CCSER1: variants seen among roughly 807,000 people sequenced by gnomAD.
CCSER1 encodes serine-rich coiled-coil domain-containing protein 1.
A neutral mutation model predicts 82.0 loss-of-function variants in CCSER1; 41 were observed. The ratio of observed to expected loss-of-function variants is 0.50; its 90% CI spans 0.39 to 0.65. CCSER1 has a LOEUF of 0.65. CCSER1 is among the 30% of genes least tolerant of loss of function. The pLI, the probability that CCSER1 is intolerant of heterozygous loss-of-function variation, is 0.00. For synonymous variants in CCSER1, 414 were observed against 383.9 expected, an observed-to-expected ratio of 1.08 and a Z score of -0.92; for missense variants, 1,119 against 1,064.2, an observed-to-expected ratio of 1.05 and a Z score of -0.72.
intron 10 of CCSER1, among the ~76,000 whole-genome samples, chr4:91,568,208 A>AG (rs112829815): frequency 0.069 from 10,502 of 152,032 alleles, 396 homozygotes; most frequent in Middle Eastern, 0.099. Flanking sequence ...TTTAGCTGAG[A>AG]GGTTCGCTGT....
chr4:90,658,641 T>G (rs897324776), intron 6 of CCSER1, among the ~76,000 whole-genome samples: 2 of 152,236 alleles, frequency 1.3e-5, no homozygotes, highest in African/African-American at 4.8e-5. Flanking sequence ...CATGACGTTT[T>G]AGGTCTTTGA....
At chr4:90,589,591 T>G (rs540986269) in intron 5 of CCSER1, among the ~76,000 whole-genome samples, 2 of 152,258 alleles carry the variant, frequency 1.3e-5, no homozygotes, top group Admixed American at 1.3e-4. Flanking sequence ...ATTACTATTT[T>G]GTAATATGAC....
At chr4:90,923,182 G>A (rs1450039285) in intron 8 of CCSER1, among the ~76,000 whole-genome samples, 188 bp from the exon 9 acceptor site, 1 of 151,976 alleles carries the variant, frequency 6.6e-6, no homozygotes, top group Admixed American at 6.6e-5. Flanking sequence ...GCTTAAGGTG[G>A]GACAGTTGTG....
intron 10 of CCSER1, among the ~76,000 whole-genome samples, chr4:91,588,996 T>C (rs1464822345): frequency 1.3e-5 from 2 of 151,850 alleles, no homozygotes; most frequent in African/African-American, 4.8e-5. Context: ...ATATGACAGA[T>C]GGAATTCTGA....
intron 4 of CCSER1, among the ~76,000 whole-genome samples, chr4:90,420,176 C>A (rs1171008434): frequency 2.0e-5 from 3 of 151,844 alleles, no homozygotes; most frequent in Admixed American, 1.3e-4. Flanking sequence ...TTTTGCTCGA[C>A]CAATTTACAA....
intron 5 of CCSER1, among the ~76,000 whole-genome samples, chr4:90,509,560 A>G (rs1055115804): frequency 2.0e-5 from 3 of 152,274 alleles, no homozygotes; most frequent in Admixed American, 1.3e-4. Context: ...GCCAAGTACC[A>G]TCTTTAACCT....
chr4:90,693,057 T>C (rs1377847421), intron 6 of CCSER1, among the ~76,000 whole-genome samples: 4 of 151,928 alleles, frequency 2.6e-5, no homozygotes, highest in Non-Finnish European at 4.4e-5. Flanking sequence ...CTCAGTAAAG[T>C]GTCACTTGTG....
intron 10 of CCSER1, among the ~76,000 whole-genome samples, chr4:91,185,375 T>C (rs139768315): frequency 3.0e-3 from 455 of 152,342 alleles, no homozygotes; most frequent in African/African-American, 0.011. Flanking sequence ...TATGTATTTG[T>C]ACACTTTTTA....
chr4:91,384,822 T>C (rs1484062709), intron 10 of CCSER1, among the ~76,000 whole-genome samples: 2 of 152,064 alleles, frequency 1.3e-5, no homozygotes, highest in Non-Finnish European at 2.9e-5. Flanking sequence ...AAATAGGCAG[T>C]AGACTGTTAA....
intron 10 of CCSER1, among the ~76,000 whole-genome samples, chr4:91,121,438 C>G (rs1412596540): frequency 6.6e-6 from 1 of 151,642 alleles, no homozygotes; most frequent in Non-Finnish European, 1.5e-5. Context: ...TAAGAGGAAA[C>G]TGTTCCTATT....
At chr4:90,601,328 A>G (rs1185900380) in intron 5 of CCSER1, among the ~76,000 whole-genome samples, 3 of 151,808 alleles carry the variant, frequency 2.0e-5, no homozygotes, top group Non-Finnish European at 4.4e-5. Context: ...ATATTTAGAT[A>G]TCCTTTATCA....
chr4:91,081,204 T>C (rs767939995), intron 9 of CCSER1, among the ~76,000 whole-genome samples: 15 of 152,152 alleles, frequency 9.9e-5, no homozygotes, highest in Non-Finnish European at 7.4e-5. Flanking sequence ...AAAAAGCTTA[T>C]CCACCACGAT....
chr4:91,116,905 T>C (rs868646854), intron 10 of CCSER1, among the ~76,000 whole-genome samples: 9 of 152,202 alleles, frequency 5.9e-5, no homozygotes, highest in African/African-American at 1.9e-4. Flanking sequence ...GAGAGACTGG[T>C]GATTTTTTAA....
chr4:91,057,774 A>G (rs907423495), intron 9 of CCSER1, among the ~76,000 whole-genome samples: 1 of 152,162 alleles, frequency 6.6e-6, no homozygotes, highest in Non-Finnish European at 1.5e-5. Flanking sequence ...TTATCATTTT[A>G]TGCAATTAGA....
chr4:91,513,551 T>C (rs543465809), intron 10 of CCSER1, among the ~76,000 whole-genome samples: 19 of 152,320 alleles, frequency 1.2e-4, no homozygotes, highest in South Asian at 1.0e-3. Flanking sequence ...CAGCTCTTAT[T>C]TGGACTTCTG....
intron 10 of CCSER1, among the ~76,000 whole-genome samples, chr4:91,528,809 A>G (rs1760890996): frequency 1.3e-5 from 2 of 152,186 alleles, no homozygotes. Flanking sequence ...TAAAAATAAT[A>G]CAATGTTAAT....
chr4:90,489,164 A>G (rs1022007914), intron 5 of CCSER1, among the ~76,000 whole-genome samples: 8 of 152,204 alleles, frequency 5.3e-5, no homozygotes, highest in Non-Finnish European at 1.2e-4. Context: ...TCTTTCAAGA[A>G]GCATACCCTT....
intron 9 of CCSER1, among the ~76,000 whole-genome samples, chr4:91,072,374 C>T (rs1206844228): frequency 1.3e-5 from 2 of 152,190 alleles, no homozygotes; most frequent in East Asian, 1.9e-4. Context: ...TGGAATTCAA[C>T]GTCATTTACT....
intron 1 of CCSER1, among the ~76,000 whole-genome samples, chr4:90,271,760 A>C (rs542165506): frequency 1.4e-5 from 2 of 145,012 alleles, no homozygotes; most frequent in Non-Finnish European, 1.5e-5. Flanking sequence ...GGAATTAATA[A>C]CCAGATTATA....
Sources: allele counts gnomAD v4.1 joint callset (sites outside exome capture counted in the v4.1 genomes callset), GRCh38; gene constraint gnomAD v4.1.1; transcripts MANE v1.5; gene names NCBI Gene and HGNC (gene_info 2026-07-23, HGNC 2026-07-21).